Variants in SMIM33 observed in about 807,000 individuals in gnomAD.
SMIM33 encodes the protein small integral membrane protein 33.
chr5:139,473,145 A>G lies in SMIM33; in HGVS notation c.*224A>G, dbSNP rs1751565489. ...GAAACATGCTGCGGGGGGCCTTCCC[A>G]GGGCCCAAGGCCACCTCACAAAGTC... On this transcript the variant is annotated 3_prime_UTR_variant, in exon 2 of 2. Coordinates refer to ENST00000637503, the MANE Select transcript of SMIM33 (RefSeq NM_001365197.1). 2 of 378,692 alleles carry G rather than the reference A, an allele frequency of 5.3e-6. No homozygotes were observed. Among genetic ancestry groups the G allele is most frequent in the South Asian group, 1.5e-4 (1 of 6,854 alleles). The allele number at this position is 378,692 out of a possible 1,614,324, so 23.5% of individuals were successfully genotyped here.
Position 139,473,060 on chromosome 5 carries a change from A to G in SMIM33, c.*139A>G. On this transcript the variant is annotated 3_prime_UTR_variant, in exon 2 of 2. Transcript: ENST00000637503. ...ACTCAGCTGGAGCTGCTCTCTCAGA[A>G]CATTTATAGAGAGAGCCCTGTGGTG... is the stretch of plus-strand genomic sequence containing the variant. 2.5e-6 allele frequency: 1 copy of G among 397,194 alleles called. No individual in the cohort carries two copies. Among genetic ancestry groups the G allele is most frequent in the Non-Finnish European group, 4.4e-6 (1 of 225,722 alleles). The allele number at this position is 397,194 out of a possible 1,614,324, so 24.6% of individuals were successfully genotyped here. A position where few individuals can be genotyped will look rare whatever the true frequency, so the allele number is the denominator to read the frequency against.
intron 1 of SMIM33, among the ~76,000 whole-genome samples, 179 bp from the exon 2 acceptor site, chr5:139,472,353 A>G (rs533342236): frequency 6.7e-6 from 1 of 148,542 alleles, no homozygotes; most frequent in African/African-American, 2.5e-5. Flanking sequence ...TTACCTCTGT[A>G]TTCTCTGCCT....
chr5:139,472,431 C>A (rs907609438), intron 1 of SMIM33, 101 bp from the exon 2 acceptor site: 7 of 394,436 alleles, frequency 1.8e-5, no homozygotes, highest in East Asian at 3.6e-5. Context: ...GCCCTCAACC[C>A]CCCGCCTCAG....
intron 1 of SMIM33, among the ~76,000 whole-genome samples, chr5:139,471,437 T>C (rs1751533592): frequency 6.6e-6 from 1 of 151,842 alleles, no homozygotes; most frequent in East Asian, 1.9e-4. Flanking sequence ...ATGCTGAGAG[T>C]GCAGGGTTAG....
intron 1 of SMIM33, among the ~76,000 whole-genome samples, chr5:139,471,948 G>C (rs1751542396): frequency 6.6e-6 from 1 of 152,130 alleles, no homozygotes; most frequent in African/African-American, 2.4e-5. Context: ...GCTGGACAAG[G>C]ACCCCCTTTC....
chr5:139,472,429 C>A (rs1334442434), intron 1 of SMIM33, 103 bp from the exon 2 acceptor site: 459 of 282,492 alleles, frequency 1.6e-3, no homozygotes, highest in East Asian at 2.2e-3. Context: ...CCGCCCTCAA[C>A]CCCCCGCCTC....
intron 1 of SMIM33, 103 bp from the exon 2 acceptor site, chr5:139,472,428 AC>A (rs537705723): frequency 7.7e-6 from 3 of 390,116 alleles, no homozygotes; most frequent in South Asian, 1.5e-4. Flanking sequence ...CCCGCCCTCA[AC>A]CCCCCGCCTC....
chr5:139,472,914 G>C lies in SMIM33; in HGVS notation c.392G>C (p.Cys131Ser), dbSNP rs1751559692. Residue 131 changes from cysteine to serine, a missense_variant, in exon 2 of 2, where the codon TGT becomes TCT. Physicochemically the swap from Cys to Ser is moderately radical, Grantham distance 112. Coordinates refer to ENST00000637503, the MANE Select transcript of SMIM33 (RefSeq NM_001365197.1). ...GPRPSIDEVT[C>S]L is the part of the protein sequence containing the mutation. ...AGGCCCAGCATCGATGAAGTCACTT[G>C]TCTGTAGGAGGGAGACTTTGGAGAG... 1 of 400,862 alleles carries C rather than the reference G, an allele frequency of 2.5e-6. No homozygotes were observed. The highest frequency in any genetic ancestry group is 4.4e-6 in the Non-Finnish European group (1 of 226,310). The allele number at this position is 400,862 out of a possible 1,614,324, so 24.8% of individuals were successfully genotyped here. A position where few individuals can be genotyped will look rare whatever the true frequency, so the allele number is the denominator to read the frequency against.
chr5:139,471,853 C>G (rs1216077906), intron 1 of SMIM33, among the ~76,000 whole-genome samples: 1 of 152,134 alleles, frequency 6.6e-6, no homozygotes, highest in Non-Finnish European at 1.5e-5. Context: ...TTCACATCCC[C>G]TCTACCTCTA....
chr5:139,472,779 A>C lies in SMIM33; in HGVS notation c.257A>C (p.Asp86Ala). ...LPTEPPTPKP[D>A]GGIYLIHWRV... Reference sequence around the variant, plus strand: ...ACAGAGCCACCGACCCCAAAGCCAGATGGTGGCATCTACCTCATCCACTGG... The same window carrying C: ...ACAGAGCCACCGACCCCAAAGCCAGCTGGTGGCATCTACCTCATCCACTGG... Residue 86 changes from aspartate to alanine, a missense_variant, in exon 2 of 2, where the codon GAT becomes GCT. Physicochemically the swap from Asp to Ala is moderately radical, Grantham distance 126. Coordinates refer to ENST00000637503, the MANE Select transcript of SMIM33 (RefSeq NM_001365197.1). 2.5e-6 allele frequency: 1 copy of C among 400,966 alleles called. No homozygotes were observed. The highest frequency in any genetic ancestry group is 4.4e-6 in the Non-Finnish European group (1 of 226,370). The allele number at this position is 400,966 out of a possible 1,614,324, so 24.8% of individuals were successfully genotyped here.
intron 1 of SMIM33, among the ~76,000 whole-genome samples, chr5:139,472,113 G>A (rs1213003007): frequency 6.6e-6 from 1 of 152,174 alleles, no homozygotes; most frequent in Non-Finnish European, 1.5e-5. Flanking sequence ...GAAACTTGGG[G>A]GGCCAAACTG....
intron 1 of SMIM33, among the ~76,000 whole-genome samples, chr5:139,471,463 C>T (rs1751533845): frequency 6.6e-6 from 1 of 152,082 alleles, no homozygotes; most frequent in African/African-American, 2.4e-5. Context: ...GGGGCTCCAC[C>T]CGCTAAGATT....
intron 1 of SMIM33, 92 bp downstream of exon 1, chr5:139,471,222 G>A (rs1045994198): frequency 3.0e-5 from 12 of 398,838 alleles, no homozygotes; most frequent in Non-Finnish European, 4.4e-5. Flanking sequence ...CTTTTCCTCT[G>A]CACATCTAGA....
chr5:139,472,088 A>G (rs1411923383), intron 1 of SMIM33, among the ~76,000 whole-genome samples: 1 of 152,134 alleles, frequency 6.6e-6, no homozygotes, highest in African/African-American at 2.4e-5. Context: ...ACCTGGGAAA[A>G]GGGGACAGTG....
chr5:139,473,427 C>G lies in SMIM33; in HGVS notation c.*506C>G, dbSNP rs1252408447. On this transcript the variant is annotated 3_prime_UTR_variant, in exon 2 of 2. Coordinates refer to ENST00000637503, the MANE Select transcript of SMIM33 (RefSeq NM_001365197.1). ...GAACGTCTGTTCTCCTTGGGGCAGT[C>G]AGTCAGGGGCAGTCCTTCGGCTGTT... 6.6e-6 allele frequency: 1 copy of G among 152,420 alleles called. No individual in the cohort carries two copies. Among genetic ancestry groups the G allele is most frequent in the Admixed American group, 6.5e-5 (1 of 15,292 alleles). 9.4% of individuals were successfully genotyped at this position (152,420 alleles called of 1,614,324 possible). A position where few individuals can be genotyped will look rare whatever the true frequency, so the allele number is the denominator to read the frequency against.
At chr5:139,472,435 G>A (rs779097167) in intron 1 of SMIM33, 97 bp from the exon 2 acceptor site, 41 of 178,022 alleles carry the variant, frequency 2.3e-4, no homozygotes, top group Non-Finnish European at 2.1e-4. Context: ...TCAACCCCCC[G>A]CCTCAGGTTC....
At chr5:139,472,092 G>A (rs914792860) in intron 1 of SMIM33, among the ~76,000 whole-genome samples, 8 of 152,172 alleles carry the variant, frequency 5.3e-5, no homozygotes, top group African/African-American at 1.9e-4. Context: ...GGGAAAAGGG[G>A]ACAGTGGGAG....
rs1751565945 is a variant in SMIM33 at position 139,473,182 on chromosome 5, T to C, written c.*261T>C. 1 of 349,150 alleles carries C rather than the reference T, an allele frequency of 2.9e-6. No individual in the cohort carries two copies. Among genetic ancestry groups the C allele is most frequent in the Admixed American group, 4.7e-5 (1 of 21,140 alleles). 21.6% of individuals were successfully genotyped at this position (349,150 alleles called of 1,614,324 possible). A position where few individuals can be genotyped will look rare whatever the true frequency, so the allele number is the denominator to read the frequency against. ...CACCTCACAAAGTCCCTCCCTCCTC[T>C]TCAGGGACCACCAGACCCCTGAATC... On this transcript the variant is annotated 3_prime_UTR_variant, in exon 2 of 2. Transcript: ENST00000637503.
rs955345026 is a variant in SMIM33, at chr5:139,472,669, C to T, written c.147C>T (p.Val49=). Residue 49 remains valine, a synonymous_variant, in exon 2 of 2, where the codon GTC becomes GTT. Transcript: ENST00000637503. ...VDGLPVVTVI[V]AVFVLLAVCI... Reference sequence around the variant, plus strand: ...GGCTGCCTGTGGTCACCGTCATTGTCGCTGTCTTTGTTCTGCTGGCAGTCT... The same window carrying T: ...GGCTGCCTGTGGTCACCGTCATTGTTGCTGTCTTTGTTCTGCTGGCAGTCT... The T allele has an allele frequency of 7.5e-6, 3 of 400,834 alleles. No homozygotes were observed. The highest frequency in any genetic ancestry group is 1.3e-5 in the Non-Finnish European group (3 of 226,282). 24.8% of individuals were successfully genotyped at this position (400,834 alleles called of 1,614,324 possible). A position where few individuals can be genotyped will look rare whatever the true frequency, so the allele number is the denominator to read the frequency against.
Sources: gnomAD v4.1 joint callset for allele counts (sites outside exome capture counted in the v4.1 genomes callset) on GRCh38, gnomAD v4.1.1 for gene constraint, MANE v1.5 for transcripts, NCBI Gene and HGNC (gene_info 2026-07-23, HGNC 2026-07-21) for gene names.